KIF1A: variants seen among roughly 807,000 people sequenced by gnomAD.
KIF1A encodes the protein kinesin-like protein KIF1A.
In KIF1A, 46 loss-of-function variants were observed where a neutral mutation model predicts 227.3. The ratio of observed to expected loss-of-function variants is 0.20; its 90% CI spans 0.16 to 0.26. The LOEUF (loss-of-function observed/expected upper bound fraction) is 0.26, where lower values mean the gene tolerates loss of function less well. KIF1A is among the 10% of genes least tolerant of loss of function. The probability of loss-of-function intolerance (pLI) is 1.00; values close to 1 mark genes in which losing one functional copy is unlikely to be tolerated. For missense variants in KIF1A, 1,683 were observed against 2,485.9 expected, an observed-to-expected ratio of 0.68 and a Z score of 6.87; for synonymous variants, 1,022 against 1,012.8, an observed-to-expected ratio of 1.01 and a Z score of -0.17.
chr2:240,762,114 A>G (rs909813185), intron 23 of KIF1A, among the ~76,000 whole-genome samples: 1 of 152,020 alleles, frequency 6.6e-6, no homozygotes, highest in African/African-American at 2.4e-5. Context: ...CGCTGGGTAA[A>G]TGAGGCCAAA....
At chr2:240,756,844 C>T (rs1390604148) in intron 27 of KIF1A, among the ~76,000 whole-genome samples, 3 of 152,208 alleles carry the variant, frequency 2.0e-5, no homozygotes, top group Admixed American at 6.5e-5. Flanking sequence ...AGGCTGCCTC[C>T]GCTAGGACAG....
chr2:240,760,743 A>G lies in KIF1A; in HGVS notation c.2366T>C (p.Phe789Ser). ...CTCCACGGCCACAATGGTGCGGGGG[A>G]AGGGCCGCGTCTCTCGGTCTTTGGC... ...EAAKDRETRP[F>S]PRTIVAVEVQ... Residue 789 changes from phenylalanine (F) to serine (S), a missense_variant, in exon 25 of 49, where the codon TTC becomes TCC. By Grantham distance (155) the Phe-to-Ser change is radical. Around this residue, in one of 12 missense-constraint regions of KIF1A, gnomAD observed 759 missense variants for 1,020.2 expected, o/e 0.74. Coordinates refer to ENST00000498729, the MANE Select transcript of KIF1A (RefSeq NM_001244008.2). The G allele has an allele frequency of 1.3e-6, 2 of 1,597,122 alleles. No homozygotes were observed. Among genetic ancestry groups the G allele is most frequent in the Non-Finnish European group, 8.5e-7 (1 of 1,171,646 alleles).
chr2:240,760,723 C>T lies in KIF1A; in HGVS notation c.2386G>A (p.Val796Met), dbSNP rs1370744783. 8.8e-6 allele frequency: 14 copies of T among 1,588,200 alleles called. No individual in the cohort carries two copies. Among genetic ancestry groups the T allele is most frequent in the Admixed American group, 1.8e-5 (1 of 56,680 alleles). Residue 796 changes from valine (V) to methionine (M), a missense_variant, in exon 25 of 49, where the codon GTG becomes ATG. By Grantham distance (21) the Val-to-Met change is conservative. This residue lies in a region of KIF1A where 759 missense variants were observed against 1,020.2 expected (regional missense o/e 0.74). Transcript: ENST00000498729. Reference protein sequence around the residue: ...TRPFPRTIVAVEVQDQKNGAT... With the variant: ...TRPFPRTIVAMEVQDQKNGAT... ...CCGTTCTTCTGGTCCTGGACCTCCACGGCCACAATGGTGCGGGGGAAGGGC... is the reference window on the plus strand; with the variant it reads ...CCGTTCTTCTGGTCCTGGACCTCCATGGCCACAATGGTGCGGGGGAAGGGC...
intron 38 of KIF1A, among the ~76,000 whole-genome samples, chr2:240,730,609 A>G (rs890484344): frequency 2.0e-5 from 3 of 152,226 alleles, no homozygotes; most frequent in African/African-American, 7.2e-5. Context: ...GATGGCAGCC[A>G]GGGCTGACCC....
rs1051816744 is a variant in KIF1A at position 240,736,554 on chromosome 2, G to T, written c.4007+509C>A. On this transcript the variant is annotated intron_variant, in intron 38 of 48. Transcript: ENST00000498729. The surrounding 1 kb of genome is among the most constrained non-coding windows in gnomAD (Gnocchi z 4.7). ...AAAACCCCAGCCTAAATGCGGTCGG[G>T]CTGGGACCGCCCAGACTGTGGGGTC... Among the ~76,000 whole-genome samples, 7 of 152,206 alleles carry T rather than the reference G, an allele frequency of 4.6e-5. No homozygotes were observed. Among genetic ancestry groups the T allele is most frequent in the African/African-American group, 1.2e-4 (5 of 41,458 alleles).
intron 37 of KIF1A, among the ~76,000 whole-genome samples, chr2:240,738,432 C>T (rs998209527): frequency 2.6e-5 from 4 of 152,216 alleles, no homozygotes; most frequent in Non-Finnish European, 5.9e-5. Context: ...ACTCACAGGG[C>T]TGGAAAGTCC....
At chr2:240,794,579 C>G (rs1181510809) in intron 2 of KIF1A, among the ~76,000 whole-genome samples, 1 of 152,282 alleles carries the variant, frequency 6.6e-6, no homozygotes, top group East Asian at 1.9e-4. Flanking sequence ...ATCCCTTCAG[C>G]AGCTCCCAGC....
At chr2:240,733,238 T>C (rs1005125916) in intron 38 of KIF1A, among the ~76,000 whole-genome samples, 7 of 152,074 alleles carry the variant, frequency 4.6e-5, no homozygotes, top group Admixed American at 4.6e-4. Flanking sequence ...GCTCCTAAAT[T>C]AGAGCCCAAG....
rs747451923 is a variant in KIF1A, at chr2:240,767,038, C to T, written c.1578-17G>A. On this transcript the variant is annotated splice_polypyrimidine_tract_variant and intron_variant, in intron 18 of 48. Coordinates refer to ENST00000498729, the MANE Select transcript of KIF1A (RefSeq NM_001244008.2). ...CTGCCCACTCTGCGGGGTGGGGGCA[C>T]CATCAGCACGGCAGCTGGGACCCAA... 2 of 1,576,854 alleles carry T rather than the reference C, an allele frequency of 1.3e-6. No homozygotes were observed. The highest frequency in any genetic ancestry group is 2.3e-5 in the East Asian group (1 of 44,080).
intron 16 of KIF1A, 35 bp from the exon 17 acceptor site, chr2:240,769,243 A>C: frequency 3.8e-5 from 60 of 1,575,530 alleles, no homozygotes; most frequent in Non-Finnish European, 5.1e-5. Flanking sequence ...CACAAGCTCC[A>C]CAAGGCTTCC....
Position 240,752,039 on chromosome 2 carries a change from G to A in KIF1A, c.2859-1492C>T, listed in dbSNP as rs11693670. ...CCTCACTGCAAAATGGCCCAGGCTCGCAACAGGAAAAGGGTCTTGCTGCCC... is the reference window on the plus strand; with the variant it reads ...CCTCACTGCAAAATGGCCCAGGCTCACAACAGGAAAAGGGTCTTGCTGCCC... On this transcript the variant is annotated intron_variant, in intron 27 of 48. Transcript: ENST00000498729. The surrounding 1 kb of genome is among the most constrained non-coding windows in gnomAD (Gnocchi z 6.4). 9.2e-5 allele frequency among the ~76,000 whole-genome samples: 14 copies of A among 151,826 alleles called. No individual in the cohort carries two copies. The highest frequency in any genetic ancestry group is 1.6e-4 in the Non-Finnish European group (11 of 67,908).
chr2:240,764,433 C>T (rs1020505930), intron 20 of KIF1A, among the ~76,000 whole-genome samples: 1 of 152,178 alleles, frequency 6.6e-6, no homozygotes, highest in African/African-American at 2.4e-5. Flanking sequence ...CTCCCCATTA[C>T]AAGGCCACCC....
chr2:240,720,128 G>C (rs1051496172), intron 45 of KIF1A: 1 of 472,792 alleles, frequency 2.1e-6, no homozygotes, highest in African/African-American at 2.0e-5. Context: ...AGGAAGTGCT[G>C]GGCTTGGTGG....
chr2:240,720,258 C>T (rs6746528), intron 45 of KIF1A: 11,069 of 229,692 alleles, frequency 0.048, 809 homozygotes, highest in African/African-American at 0.18. Flanking sequence ...AGCATCTCTT[C>T]ATCTCCACAA....
chr2:240,713,907 G>A lies in KIF1A; in HGVS notation c.*3457C>T, dbSNP rs1367380765. 4.6e-5 allele frequency: 7 copies of A among 152,908 alleles called. No individual in the cohort carries two copies. Among genetic ancestry groups the A allele is most frequent in the African/African-American group, 1.7e-4 (7 of 41,458 alleles). The allele number at this position is 152,908 out of a possible 1,614,324, so 9.5% of individuals were successfully genotyped here. A position where few individuals can be genotyped will look rare whatever the true frequency, so the allele number is the denominator to read the frequency against. Reference sequence around the variant, plus strand: ...GTCGGGACGGCAGCTATGACATGGGGTCTGGGGTGTGCCCACAGCAATCAC... The same window carrying A: ...GTCGGGACGGCAGCTATGACATGGGATCTGGGGTGTGCCCACAGCAATCAC... On this transcript the variant is annotated 3_prime_UTR_variant, in exon 49 of 49. Coordinates refer to ENST00000498729, the MANE Select transcript of KIF1A (RefSeq NM_001244008.2).
At chr2:240,765,644 A>G (rs2125918093) in intron 20 of KIF1A, 66 bp downstream of exon 20, 1 of 1,298,690 alleles carries the variant, frequency 7.7e-7, no homozygotes, top group Non-Finnish European at 1.1e-6. Flanking sequence ...TGGCTTGGAC[A>G]TGGGAACAGA....
chr2:240,744,092 G>A (rs200466013), intron 32 of KIF1A, 32 bp from the exon 33 acceptor site: 9 of 1,400,490 alleles, frequency 6.4e-6, no homozygotes, highest in African/African-American at 4.2e-5. Context: ...GGACAGGAGG[G>A]CACGGCCAGG....
intron 38 of KIF1A, among the ~76,000 whole-genome samples, chr2:240,732,558 G>GA (rs2046833968): frequency 1.7e-5 from 2 of 117,310 alleles, no homozygotes; most frequent in Non-Finnish European, 3.6e-5. Flanking sequence ...AGGGAGGGAT[G>GA]GGGGATGAGG....
intron 17 of KIF1A, among the ~76,000 whole-genome samples, chr2:240,768,482 G>C (rs1271198015): frequency 6.6e-6 from 1 of 152,230 alleles, no homozygotes; most frequent in Non-Finnish European, 1.5e-5. Context: ...CCATGTCCTG[G>C]CCATCTTTGG....
Sources: gnomAD v4.1 joint callset for allele counts (sites outside exome capture counted in the v4.1 genomes callset) on GRCh38, gnomAD v4.1.1 for gene constraint, gnomAD v4.1.1 regional missense constraint, Gnocchi (gnomAD v3.1) non-coding constraint, MANE v1.5 for transcripts, NCBI Gene and HGNC (gene_info 2026-07-23, HGNC 2026-07-21) for gene names.